Variants in EXOC4 observed in about 807,000 individuals in gnomAD.
EXOC4 encodes the protein SEC8-like 1.
In EXOC4, 71 loss-of-function variants were observed where a neutral mutation model predicts 107.2. The observed-to-expected ratio is 0.66, with a 90% CI of 0.55 to 0.81. The LOEUF is 0.81. EXOC4 is among the 30% of genes least tolerant of loss of function. The pLI, the probability that EXOC4 is intolerant of heterozygous loss-of-function variation, is 0.00. For missense variants in EXOC4, 1,108 were observed against 1,189.6 expected (o/e 0.93, Z 1.01); for synonymous variants, 456 against 441.2 (o/e 1.03, Z -0.42).
chr7:133,480,331 T>C, intron 9 of EXOC4, 193 bp downstream of exon 9: 4 of 1,407,236 alleles, frequency 2.8e-6, no homozygotes, highest in Non-Finnish European at 3.7e-6. Flanking sequence ...GCCATAGGAC[T>C]TGTAGACCTG....
chr7:133,692,000 G>A (rs552636810), intron 10 of EXOC4, among the ~76,000 whole-genome samples: 7 of 152,138 alleles, frequency 4.6e-5, no homozygotes, highest in Non-Finnish European at 1.0e-4. Context: ...TCTCTGATGG[G>A]AGGAAAAATA....
the EXOC4 span, among the ~76,000 whole-genome samples, chr7:134,083,754 C>A: frequency 3.3e-5 from 5 of 152,230 alleles, no homozygotes; most frequent in Non-Finnish European, 7.3e-5. Context: ...CATAGCATCA[C>A]TTTGACCATG....
chr7:133,375,111 C>T, intron 7 of EXOC4, 109 bp downstream of exon 7: 1 of 841,906 alleles, frequency 1.2e-6, no homozygotes, highest in Non-Finnish European at 1.8e-6. Context: ...GAGTCATAAA[C>T]AGGGTGAGAA....
At chr7:133,650,432 T>A (rs542813130) in intron 10 of EXOC4, among the ~76,000 whole-genome samples, 1 of 152,190 alleles carries the variant, frequency 6.6e-6, no homozygotes, top group Non-Finnish European at 1.5e-5. Flanking sequence ...CTTTCTAGAA[T>A]GAAAATTATG....
intron 4 of EXOC4, among the ~76,000 whole-genome samples, chr7:133,313,675 T>TA (rs1794927012): frequency 6.6e-6 from 1 of 152,172 alleles, no homozygotes; most frequent in South Asian, 2.1e-4. Flanking sequence ...TAACCCCTCT[T>TA]AAAAAACTGT....
chr7:133,666,295 G>A (rs1037359486), intron 10 of EXOC4, among the ~76,000 whole-genome samples: 15 of 152,136 alleles, frequency 9.9e-5, no homozygotes, highest in African/African-American at 1.7e-4. Context: ...AGGAAGTAGT[G>A]ACCTGACCTT....
chr7:133,881,577 G>C (rs973972976), intron 11 of EXOC4, among the ~76,000 whole-genome samples: 8 of 152,024 alleles, frequency 5.3e-5, no homozygotes, highest in African/African-American at 1.9e-4. Context: ...CCTTATTCGT[G>C]AACTTATTTT....
chr7:133,917,515 T>C (rs968172421), intron 12 of EXOC4, 68 bp from the exon 13 acceptor site: 2 of 1,477,942 alleles, frequency 1.4e-6, no homozygotes, highest in Non-Finnish European at 1.9e-6. Flanking sequence ...GCAGCAAAGG[T>C]AGATGAAAAT....
chr7:133,467,361 G>A (rs1002339381), intron 7 of EXOC4, among the ~76,000 whole-genome samples: 1 of 151,366 alleles, frequency 6.6e-6, no homozygotes, highest in South Asian at 2.1e-4. Context: ...TTTAAATTGA[G>A]CTGTCTTGGT....
At chr7:133,701,832 TATA>T (rs1794662099) in intron 10 of EXOC4, among the ~76,000 whole-genome samples, 1 of 152,156 alleles carries the variant, frequency 6.6e-6, no homozygotes, top group Non-Finnish European at 1.5e-5. Context: ...GGTAACTTTG[TATA>T]ATATTTGTGA....
At chr7:133,630,014 C>G (rs887083986) in intron 9 of EXOC4, 31 bp from the exon 10 acceptor site, 2 of 1,511,532 alleles carry the variant, frequency 1.3e-6, no homozygotes, top group African/African-American at 2.7e-5. Flanking sequence ...TTTCAATGAG[C>G]TAAGTCTGTT....
chr7:133,290,809 C>T (rs1352194939), intron 3 of EXOC4: 1 of 152,168 alleles, frequency 6.6e-6, no homozygotes, highest in Non-Finnish European at 1.5e-5. Context: ...AGAAATTCAA[C>T]TCTAGCTAGC....
chr7:133,825,014 C>T (rs1031237402), intron 11 of EXOC4, among the ~76,000 whole-genome samples: 1 of 151,952 alleles, frequency 6.6e-6, no homozygotes. Context: ...ATTCAGTTTG[C>T]TATGTTTTCC....
Position 133,373,496 on chromosome 7 carries a change from T to C in EXOC4, c.1008-1332T>C, listed in dbSNP as rs115340691. ...TAGATACTAGGGTTTTACCATAAGA[T>C]AGTTATGGGCTGTCTCATTGTCACA... On this transcript the variant is annotated intron_variant, in intron 6 of 17. Transcript: ENST00000253861. Among the ~76,000 whole-genome samples the C allele has an allele frequency of 1.3e-3, 194 of 152,326 alleles. 1 individual carries two copies. Among genetic ancestry groups the C allele is most frequent in the African/African-American group, 4.6e-3 (192 of 41,582 alleles).
chr7:133,629,519 TTTTTG>T (rs61233634), intron 9 of EXOC4, among the ~76,000 whole-genome samples: 6 of 114,910 alleles, frequency 5.2e-5, no homozygotes, highest in East Asian at 2.4e-4. Flanking sequence ...AAAGTGCTGT[TTTTTG>T]TTTTGTTTTG....
intron 7 of EXOC4, among the ~76,000 whole-genome samples, chr7:133,422,491 T>G (rs891968590): frequency 6.6e-6 from 1 of 152,200 alleles, no homozygotes; most frequent in Non-Finnish European, 1.5e-5. Context: ...GTGCCTAACA[T>G]AAGAGTTCTG....
chr7:133,873,315 C>T (rs1001595768), intron 11 of EXOC4, among the ~76,000 whole-genome samples: 118 of 152,296 alleles, frequency 7.7e-4, no homozygotes, highest in African/African-American at 2.7e-3. Context: ...CGTTGTTTTT[C>T]GGCATATGTC....
intron 10 of EXOC4, among the ~76,000 whole-genome samples, chr7:133,773,597 C>T (rs555641834): frequency 6.6e-6 from 1 of 151,936 alleles, no homozygotes; most frequent in Non-Finnish European, 1.5e-5. Flanking sequence ...CTAGCTTTAA[C>T]AGCTGCTAAA....
At chr7:133,691,993 C>A (rs147308176) in intron 10 of EXOC4, among the ~76,000 whole-genome samples, 1 of 152,102 alleles carries the variant, frequency 6.6e-6, no homozygotes, top group Non-Finnish European at 1.5e-5. Flanking sequence ...CATCTCATCT[C>A]TGATGGGAGG....
Sources: gnomAD v4.1 joint callset for allele counts (sites outside exome capture counted in the v4.1 genomes callset) on GRCh38, gnomAD v4.1.1 for gene constraint, MANE v1.5 for transcripts, NCBI Gene and HGNC (gene_info 2026-07-23, HGNC 2026-07-21) for gene names.